The following PCGF6 variants were observed in gnomAD, a reference collection of about 807,000 sequenced individuals.
PCGF6 encodes polycomb group ring finger 6, also known as polycomb group RING finger protein 6.
In PCGF6, 24 loss-of-function variants were observed where a neutral mutation model predicts 45.5. That is an observed-to-expected ratio of 0.53 (90% CI 0.38 to 0.74). The LOEUF (loss-of-function observed/expected upper bound fraction) is 0.74. Ranked by LOEUF, PCGF6 falls within the 30% of genes least tolerant of loss-of-function variation. The probability of loss-of-function intolerance (pLI) is 0.00; values close to 1 mark genes in which losing one functional copy is unlikely to be tolerated. For missense variants in PCGF6, 356 were observed against 443.2 expected (o/e 0.80, Z 1.77); for synonymous variants, 152 against 162.1 (o/e 0.94, Z 0.47).
chr10:103,309,954 C>CTTT (rs775316303), intron 9 of PCGF6, among the ~76,000 whole-genome samples: 21 of 141,496 alleles, frequency 1.5e-4, no homozygotes, highest in Non-Finnish European at 2.0e-4. Context: ...CCTTGTCTTT[C>CTTT]TTTTTTTTTT....
At chr10:103,328,106 T>C (rs1172168156) in intron 7 of PCGF6, among the ~76,000 whole-genome samples, 1 of 152,122 alleles carries the variant, frequency 6.6e-6, no homozygotes, top group Non-Finnish European at 1.5e-5. Flanking sequence ...AAACTAATGC[T>C]TACCCAGCTC....
intron 7 of PCGF6, among the ~76,000 whole-genome samples, chr10:103,330,390 C>A (rs1205011662): frequency 2.0e-5 from 3 of 151,952 alleles, no homozygotes; most frequent in Non-Finnish European, 4.4e-5. Flanking sequence ...TATATTGTTT[C>A]AACCAGATAC....
At chr10:103,342,434 A>C (rs2093284335) in intron 6 of PCGF6, among the ~76,000 whole-genome samples, 1 of 151,722 alleles carries the variant, frequency 6.6e-6, no homozygotes, top group Non-Finnish European at 1.5e-5. Flanking sequence ...GGGTTTCATC[A>C]TGTTGGTCAG....
intron 8 of PCGF6, among the ~76,000 whole-genome samples, chr10:103,324,758 TCAAAAAAAAAAAAAAC>T (rs2093210815): frequency 1.5e-5 from 1 of 66,776 alleles, no homozygotes; most frequent in Non-Finnish European, 2.7e-5. Context: ...AGACTCCGCC[TCAAAAAAAAAAAAAAC>T]CAAAAAAAAA....
chr10:103,325,415 G>A (rs781304202), intron 8 of PCGF6, among the ~76,000 whole-genome samples: 2 of 151,814 alleles, frequency 1.3e-5, no homozygotes, highest in African/African-American at 2.4e-5. Flanking sequence ...CAACAGGTCC[G>A]GCTAATTTTT....
At chr10:103,324,812 CAGG>C (rs948524042) in intron 8 of PCGF6, among the ~76,000 whole-genome samples, 3 of 122,634 alleles carry the variant, frequency 2.4e-5, no homozygotes, top group Non-Finnish European at 5.2e-5. Flanking sequence ...ATAGCTAGAA[CAGG>C]AGATCTCTTT....
chr10:103,349,802 G>T (rs1395486320), intron 1 of PCGF6, among the ~76,000 whole-genome samples: 1 of 150,640 alleles, frequency 6.6e-6, no homozygotes, highest in Middle Eastern at 3.4e-3. Context: ...GGATCTTTAC[G>T]CTGGGCGCAG....
intron 6 of PCGF6, among the ~76,000 whole-genome samples, chr10:103,339,473 T>A (rs2093270389): frequency 6.6e-6 from 1 of 151,420 alleles, no homozygotes; most frequent in South Asian, 2.1e-4. Flanking sequence ...GTTCAATTTT[T>A]ATTTACACAG....
chr10:103,340,180 G>GAA (rs58312332), intron 6 of PCGF6, among the ~76,000 whole-genome samples: 20 of 72,212 alleles, frequency 2.8e-4, no homozygotes, highest in African/African-American at 9.7e-4. Flanking sequence ...CTGTCTCAGG[G>GAA]AAAAAAAAAA....
chr10:103,333,830 CTT>C, intron 7 of PCGF6, 93 bp downstream of exon 7: 2 of 819,168 alleles, frequency 2.4e-6, no homozygotes, highest in Non-Finnish European at 3.7e-6. Flanking sequence ...ATTTAAATAA[CTT>C]ATTTATACAA....
rs764588152 is a variant in PCGF6 at position 103,311,528 on chromosome 10, G to A, written c.996+2658C>T. On this transcript the variant is annotated intron_variant, in intron 9 of 9. Coordinates refer to ENST00000369847, the MANE Select transcript of PCGF6 (RefSeq NM_001011663.2). ...GCCACTCATGGGTCATTGCAGCTGCGACCTCCCGGGCTTGAAGCGATTCTC... is the reference window on the plus strand; with the variant it reads ...GCCACTCATGGGTCATTGCAGCTGCAACCTCCCGGGCTTGAAGCGATTCTC... 9.2e-4 allele frequency among the ~76,000 whole-genome samples: 134 copies of A among 146,316 alleles called. 1 individual carries two copies. The highest frequency in any genetic ancestry group is 3.0e-4 in the Non-Finnish European group (20 of 66,446).
chr10:103,350,437 T>C (rs1423734273), intron 1 of PCGF6, among the ~76,000 whole-genome samples: 2 of 152,174 alleles, frequency 1.3e-5, no homozygotes, highest in African/African-American at 4.8e-5. Context: ...TCAAAATAAT[T>C]ATAATTATTA....
chr10:103,331,009 T>C (rs771299363), intron 7 of PCGF6, among the ~76,000 whole-genome samples: 31 of 152,188 alleles, frequency 2.0e-4, no homozygotes, highest in Non-Finnish European at 3.2e-4. Flanking sequence ...CAACCACTAA[T>C]CTGCTTTCTG....
At chr10:103,317,270 C>CA (rs1222044439) in intron 8 of PCGF6, among the ~76,000 whole-genome samples, 1 of 152,114 alleles carries the variant, frequency 6.6e-6, no homozygotes, top group African/African-American at 2.4e-5. Context: ...CTCAGGCTCC[C>CA]AAAGTGCTGG....
chr10:103,324,101 A>C (rs2093207615), intron 8 of PCGF6, among the ~76,000 whole-genome samples: 1 of 148,302 alleles, frequency 6.7e-6, no homozygotes, highest in Non-Finnish European at 1.5e-5. Flanking sequence ...CACCATGCCA[A>C]GCTATTTTTC....
intron 6 of PCGF6, among the ~76,000 whole-genome samples, chr10:103,341,027 T>G (rs1369128629): frequency 2.0e-5 from 3 of 151,908 alleles, no homozygotes; most frequent in Non-Finnish European, 4.4e-5. Context: ...GTCGGGAGAT[T>G]GAGACCAGCC....
intron 7 of PCGF6, among the ~76,000 whole-genome samples, chr10:103,328,047 T>C (rs899928872): frequency 4.6e-5 from 7 of 151,972 alleles, no homozygotes; most frequent in South Asian, 2.1e-4. Context: ...TGGGACCCAA[T>C]AGTTTGAGGT....
At position 103,335,116 on chromosome 10, in the gene PCGF6, G is replaced by C. The variant is rs950066704; in HGVS notation, c.783-1164C>G. 1.1e-4 allele frequency among the ~76,000 whole-genome samples: 16 copies of C among 151,878 alleles called. No homozygotes were observed. The South Asian group carries it at 3.3e-3, about 32-fold the overall frequency. On this transcript the variant is annotated intron_variant, in intron 6 of 9. Transcript: ENST00000369847. ...TCTATCACCCAGGCAGGAGTGTAGT[G>C]GCTCACTGCAGCTTCAACCTTCTGG... is the stretch of plus-strand genomic sequence containing the variant.
intron 8 of PCGF6, among the ~76,000 whole-genome samples, chr10:103,315,968 A>ATGTGTGTGTG (rs755606997): frequency 8.4e-6 from 1 of 118,910 alleles, no homozygotes; most frequent in African/African-American, 2.9e-5. Flanking sequence ...AACAGCTTAT[A>ATGTGTGTGTG]TGTGTGTGTG....
Sources: allele counts gnomAD v4.1 joint callset (sites outside exome capture counted in the v4.1 genomes callset), GRCh38; gene constraint gnomAD v4.1.1; transcripts MANE v1.5; gene names NCBI Gene and HGNC (gene_info 2026-07-23, HGNC 2026-07-21).